POU2F1: variants seen among roughly 807,000 people sequenced by gnomAD.
POU2F1 encodes POU domain, class 2, transcription factor 1.
A neutral mutation model predicts 84.9 loss-of-function variants in POU2F1; 16 were observed. The observed-to-expected ratio is 0.19, with a 90% CI of 0.13 to 0.29. POU2F1 has a LOEUF of 0.29. POU2F1 is among the 10% of genes least tolerant of loss of function. The probability of loss-of-function intolerance (pLI) is 1.00; values close to 1 mark genes in which losing one functional copy is unlikely to be tolerated. For synonymous variants in POU2F1, 368 were observed against 368.3 expected, an observed-to-expected ratio of 1.00 and a Z score of 0.01; for missense variants, 738 against 942.6, an observed-to-expected ratio of 0.78 and a Z score of 2.84.
chr1:167,377,601 T>A (rs1194163259), intron 7 of POU2F1, among the ~76,000 whole-genome samples: 1 of 151,966 alleles, frequency 6.6e-6, no homozygotes. Flanking sequence ...ATAAAAAAAT[T>A]AAAAAATCAC....
At chr1:167,354,802 T>C (rs963905318) in intron 2 of POU2F1, among the ~76,000 whole-genome samples, 18 of 152,202 alleles carry the variant, frequency 1.2e-4, no homozygotes, top group African/African-American at 4.3e-4. Flanking sequence ...CATCTTTTCC[T>C]GTGTTTATGG....
At chr1:167,244,255 A>C (rs978467337) in intron 1 of POU2F1, among the ~76,000 whole-genome samples, 1 of 152,102 alleles carries the variant, frequency 6.6e-6, no homozygotes, top group Non-Finnish European at 1.5e-5. Context: ...GGGTCCTCAC[A>C]AGGTTGCAAT....
intron 1 of POU2F1, among the ~76,000 whole-genome samples, chr1:167,269,398 C>A (rs1415893300): frequency 6.6e-6 from 1 of 152,088 alleles, no homozygotes; most frequent in African/African-American, 2.4e-5. Context: ...TAGAGACCTC[C>A]TTAGTTTACA....
intron 3 of POU2F1, among the ~76,000 whole-genome samples, chr1:167,367,916 C>CA (rs1244171340): frequency 3.3e-5 from 5 of 151,232 alleles, no homozygotes; most frequent in South Asian, 2.1e-4. Flanking sequence ...GGCACCGAGC[C>CA]AAAAAAAATT....
intron 1 of POU2F1, among the ~76,000 whole-genome samples, chr1:167,294,225 T>A (rs112429467): frequency 3.4e-5 from 5 of 148,426 alleles, no homozygotes; most frequent in African/African-American, 1.2e-4. Flanking sequence ...GGCGGGCACC[T>A]GTGGTCCCAG....
intron 1 of POU2F1, among the ~76,000 whole-genome samples, chr1:167,304,231 A>C (rs1654902444): frequency 6.6e-6 from 1 of 152,224 alleles, no homozygotes; most frequent in Non-Finnish European, 1.5e-5. Flanking sequence ...TATAGCTTAT[A>C]ATGTTACAGT....
chr1:167,378,648 C>T (rs1412503477), intron 7 of POU2F1, among the ~76,000 whole-genome samples: 20 of 152,054 alleles, frequency 1.3e-4, no homozygotes, highest in Admixed American at 1.1e-3. Context: ...TCGGGTGATC[C>T]GCCCACCTCG....
chr1:167,271,070 T>C (rs908449827), intron 1 of POU2F1, among the ~76,000 whole-genome samples: 3 of 152,368 alleles, frequency 2.0e-5, no homozygotes, highest in East Asian at 3.9e-4. Context: ...GAATTTATGC[T>C]AGCATTGTTT....
intron 1 of POU2F1, among the ~76,000 whole-genome samples, chr1:167,302,092 G>T (rs1350571559): frequency 6.6e-6 from 1 of 151,664 alleles, no homozygotes; most frequent in Non-Finnish European, 1.5e-5. Flanking sequence ...CCCCGAGACG[G>T]AGTCTTGCTC....
At chr1:167,314,174 G>A (rs1655707914) in intron 1 of POU2F1, among the ~76,000 whole-genome samples, 2 of 150,810 alleles carry the variant, frequency 1.3e-5, no homozygotes, top group African/African-American at 2.4e-5. Flanking sequence ...CTCCAGCCTG[G>A]GCAACAGAGC....
rs1319007660 is a variant in POU2F1 at position 167,420,110 on chromosome 1, T to A, written c.*4300T>A. 1 of 152,094 alleles carries A rather than the reference T, an allele frequency of 6.6e-6. No individual in the cohort carries two copies. Among genetic ancestry groups the A allele is most frequent in the African/African-American group, 2.4e-5 (1 of 41,404 alleles). 9.4% of individuals were successfully genotyped at this position (152,094 alleles called of 1,614,324 possible). ...CAGCCCAATCTTTAACATTAAAAAA[T>A]TTTCTTTTTAACTTGCTGGAAAAGT... On this transcript the variant is annotated 3_prime_UTR_variant, in exon 16 of 16. Coordinates refer to ENST00000367866, the MANE Select transcript of POU2F1 (RefSeq NM_002697.4).
At chr1:167,339,718 G>A (rs1657708712) in intron 2 of POU2F1, among the ~76,000 whole-genome samples, 1 of 152,030 alleles carries the variant, frequency 6.6e-6, no homozygotes, top group African/African-American at 2.4e-5. Flanking sequence ...TTTGTCCTTA[G>A]GAGTTTGTCA....
At chr1:167,240,347 G>T (rs780499332) in intron 1 of POU2F1, among the ~76,000 whole-genome samples, 1 of 152,146 alleles carries the variant, frequency 6.6e-6, no homozygotes, top group South Asian at 2.1e-4. Flanking sequence ...ATTACAAAAT[G>T]TATGCTTTGG....
At chr1:167,323,006 G>T (rs944449023) in intron 1 of POU2F1, among the ~76,000 whole-genome samples, 6 of 152,198 alleles carry the variant, frequency 3.9e-5, no homozygotes, top group African/African-American at 9.7e-5. Context: ...GCATGTCACA[G>T]TGCTGCAGAG....
At chr1:167,388,832 ATAGGCTTAGAGAGTATGTG>A (rs1481775355) in intron 8 of POU2F1, among the ~76,000 whole-genome samples, 3 of 152,208 alleles carry the variant, frequency 2.0e-5, no homozygotes, top group Non-Finnish European at 4.4e-5. Flanking sequence ...TGGTGTTAGC[ATAGGCTTAGAGAGTATGTG>A]TGCCTGTGCT....
chr1:167,309,466 T>C (rs1030581058), intron 1 of POU2F1, among the ~76,000 whole-genome samples: 1 of 152,172 alleles, frequency 6.6e-6, no homozygotes, highest in African/African-American at 2.4e-5. Context: ...ACAGTTTCTC[T>C]CTCCATATAA....
rs373034407 is a variant in POU2F1, at chr1:167,332,523, G to T, written c.115G>T (p.Asp39Tyr). The change falls in exon 2 of 16, where the codon GAT (aspartate) becomes TAT (tyrosine). Residue 39 changes from aspartate to tyrosine, a missense_variant. By Grantham distance (160) the Asp-to-Tyr change is radical. This residue lies in a region of POU2F1 where 161 missense variants were observed against 147.0 expected (regional missense o/e 1.10). Transcript: ENST00000367866. ...ETSKPSMESGDGNTGTQTNGL... is the reference protein window; with the variant it reads ...ETSKPSMESGYGNTGTQTNGL... ...CAGTAAACCATCTATGGAGAGTGGA[G>T]ATGGCAACACAGGTAAGAGTTTTCT... 6.2e-7 allele frequency: 1 copy of T among 1,605,648 alleles called. No individual in the cohort carries two copies. Among genetic ancestry groups the T allele is most frequent in the Non-Finnish European group, 8.5e-7 (1 of 1,172,534 alleles).
At chr1:167,301,595 G>A (rs993538335) in intron 1 of POU2F1, among the ~76,000 whole-genome samples, 2 of 152,168 alleles carry the variant, frequency 1.3e-5, no homozygotes, top group Non-Finnish European at 2.9e-5. Flanking sequence ...TTTGCATCCA[G>A]TTTAAGTTGG....
intron 1 of POU2F1, among the ~76,000 whole-genome samples, chr1:167,282,189 C>G (rs925315094): frequency 6.6e-6 from 1 of 151,326 alleles, no homozygotes; most frequent in Admixed American, 6.6e-5. Flanking sequence ...GTCGCCCAGG[C>G]TGGAATGCAG....
Sources: gnomAD v4.1 joint callset for allele counts (sites outside exome capture counted in the v4.1 genomes callset) on GRCh38, gnomAD v4.1.1 for gene constraint, gnomAD v4.1.1 regional missense constraint, MANE v1.5 for transcripts, NCBI Gene and HGNC (gene_info 2026-07-23, HGNC 2026-07-21) for gene names.